Variants in SLC35F5 observed in about 807,000 individuals in gnomAD.
SLC35F5 encodes HCV NS5A-transactivated protein 3.
SLC35F5 carries 54 observed loss-of-function variants against 68.6 expected under a neutral mutation model. The ratio of observed to expected loss-of-function variants is 0.79; its 90% CI spans 0.63 to 0.99. SLC35F5 has a LOEUF of 0.99. SLC35F5 is among the 50% of genes least tolerant of loss of function. The pLI, the probability that SLC35F5 is intolerant of heterozygous loss-of-function variation, is 0.00. For missense variants in SLC35F5, 567 were observed against 626.9 expected (o/e 0.90, Z 1.02); for synonymous variants, 211 against 205.2 (o/e 1.03, Z -0.24).
intron 11 of SLC35F5, among the ~76,000 whole-genome samples, chr2:113,728,437 G>C (rs1325336728): frequency 8.5e-5 from 13 of 152,152 alleles, no homozygotes; most frequent in Admixed American, 8.5e-4. Flanking sequence ...ACAATGCCCA[G>C]CCATAAGAAA....
In SLC35F5 at chr2:113,755,315, T is replaced by C. The variant is rs1473109722; in HGVS notation, c.132-9A>G. On this transcript the variant is annotated splice_polypyrimidine_tract_variant and intron_variant, in intron 2 of 15. Coordinates refer to ENST00000245680, the MANE Select transcript of SLC35F5 (RefSeq NM_025181.5). ...CACACACCATTTGCAGTCTGTTTTTTAGAAAATACAGATCACATTAGAGAT... is the reference window on the plus strand; with the variant it reads ...CACACACCATTTGCAGTCTGTTTTTCAGAAAATACAGATCACATTAGAGAT... 1 of 1,613,700 alleles carries C rather than the reference T, an allele frequency of 6.2e-7. No homozygotes were observed. Among genetic ancestry groups the C allele is most frequent in the East Asian group, 2.2e-5 (1 of 44,862 alleles).
Position 113,748,747 on chromosome 2 carries a change from T to A in SLC35F5, c.417+1678A>T, listed in dbSNP as rs188028592. Among the ~76,000 whole-genome samples, 23 of 152,340 alleles carry A rather than the reference T, an allele frequency of 1.5e-4. No individual in the cohort carries two copies. The East Asian group carries it at 4.2e-3, about 28-fold the overall frequency. On this transcript the variant is annotated intron_variant, in intron 4 of 15. Transcript: ENST00000245680. ...ATATTTTTGGTAAGTTAAATTTGTGTGTGTACATGAGTATACATTTGCAGG... is the reference window on the plus strand; with the variant it reads ...ATATTTTTGGTAAGTTAAATTTGTGAGTGTACATGAGTATACATTTGCAGG...
At chr2:113,734,044 C>T (rs1172143279) in intron 9 of SLC35F5, among the ~76,000 whole-genome samples, 1 of 152,162 alleles carries the variant, frequency 6.6e-6, no homozygotes, top group Non-Finnish European at 1.5e-5. Flanking sequence ...GTATGGAAGA[C>T]AAAACAAACA....
downstream of SLC35F5, chr2:113,704,035 T>G (rs1449938417): frequency 1.3e-5 from 2 of 152,056 alleles, no homozygotes; most frequent in African/African-American, 2.4e-5. Context: ...GGCTCAGGAG[T>G]GAAGCTGCGG....
intron 11 of SLC35F5, among the ~76,000 whole-genome samples, chr2:113,727,086 G>A (rs752038304): frequency 9.2e-5 from 14 of 152,180 alleles, no homozygotes; most frequent in African/African-American, 2.9e-4. Context: ...CCCCCATGCT[G>A]TTCCCATCAT....
At chr2:113,729,280 T>C (rs373335644) in intron 11 of SLC35F5, 121 bp downstream of exon 11, 15 of 564,154 alleles carry the variant, frequency 2.7e-5, no homozygotes, top group South Asian at 2.5e-4. Flanking sequence ...AATCTTTAAA[T>C]GGTTTTAAAG....
Position 113,712,350 on chromosome 2 carries a change from G to A in SLC35F5, c.*2868C>T, listed in dbSNP as rs1033858843. Among the ~76,000 whole-genome samples, 3 of 151,204 alleles carry A rather than the reference G, an allele frequency of 2.0e-5. No homozygotes were observed. The highest frequency in any genetic ancestry group is 4.9e-5 in the African/African-American group (2 of 41,142). ...TTTTTTTTTTTTGAGACGGAGTCTC[G>A]CTGTCGCCCAGGCTGGAGTGCAGGG... On this transcript the variant is annotated 3_prime_UTR_variant, in exon 16 of 16. Transcript: ENST00000245680.
intron 7 of SLC35F5, among the ~76,000 whole-genome samples, chr2:113,740,074 CAGAG>C (rs1676182292): frequency 6.6e-6 from 1 of 152,082 alleles, no homozygotes; most frequent in Admixed American, 6.6e-5. Context: ...TTAGGTGTGG[CAGAG>C]ATAGATGAAA....
At chr2:113,732,206 T>C (rs1687923984) in intron 9 of SLC35F5, among the ~76,000 whole-genome samples, 1 of 152,168 alleles carries the variant, frequency 6.6e-6, no homozygotes, top group Non-Finnish European at 1.5e-5. Context: ...TCTCATGATT[T>C]TAGTGGATAA....
chr2:113,717,894 GA>G, intron 14 of SLC35F5, 44 bp from the exon 15 acceptor site: 1 of 1,407,480 alleles, frequency 7.1e-7, no homozygotes, highest in Non-Finnish European at 9.9e-7. Context: ...CTTTAGAGCT[GA>G]AAAGGAACCT....
At chr2:113,745,086 T>C (rs1454053050) in intron 5 of SLC35F5, among the ~76,000 whole-genome samples, 2 of 151,928 alleles carry the variant, frequency 1.3e-5, no homozygotes, top group Admixed American at 1.3e-4. Flanking sequence ...CATAATCTCT[T>C]TGTTACACTG....
intron 11 of SLC35F5, among the ~76,000 whole-genome samples, chr2:113,728,797 C>T (rs1311473439): frequency 1.3e-5 from 2 of 152,192 alleles, no homozygotes; most frequent in Non-Finnish European, 2.9e-5. Flanking sequence ...CTTCTCCAGT[C>T]CTACAGATAT....
In SLC35F5 at chr2:113,750,535, T is replaced by C; in HGVS notation, c.307A>G (p.Ser103Gly). ...AACATAGATGTTTTTGCAAAGGTGCTGAAGAATGGTTTGTTGTACTGGGTA... is the reference window on the plus strand; with the variant it reads ...AACATAGATGTTTTTGCAAAGGTGCCGAAGAATGGTTTGTTGTACTGGGTA... ...VFTQYNKPFF[S>G]TFAKTSMFVL... Residue 103 changes from serine to glycine, a missense_variant, in exon 4 of 16, where the codon AGC becomes GGC. Coordinates refer to ENST00000245680, the MANE Select transcript of SLC35F5 (RefSeq NM_025181.5). 6.8e-6 allele frequency: 11 copies of C among 1,612,426 alleles called. No homozygotes were observed. Among genetic ancestry groups the C allele is most frequent in the Non-Finnish European group, 9.3e-6 (11 of 1,179,306 alleles).
rs747774950 is a variant in SLC35F5 at position 113,717,857 on chromosome 2, A to G, written c.1497-7T>C. ...TTCGCTGTCTTCTGGAACTCTTAAGAAAAAAAAAAGCAGTAATTAAGGAAA... is the reference window on the plus strand; with the variant it reads ...TTCGCTGTCTTCTGGAACTCTTAAGGAAAAAAAAAGCAGTAATTAAGGAAA... On this transcript the variant is annotated splice_region_variant and splice_polypyrimidine_tract_variant and intron_variant, in intron 14 of 15. Transcript: ENST00000245680. 4.8e-6 allele frequency: 7 copies of G among 1,451,380 alleles called. No individual in the cohort carries two copies. Among genetic ancestry groups the G allele is most frequent in the South Asian group, 1.3e-5 (1 of 79,052 alleles). 89.9% of individuals were successfully genotyped at this position (1,451,380 alleles called of 1,614,324 possible).
rs1439980839 is a variant in SLC35F5 at position 113,713,586 on chromosome 2, C to T, written c.*1632G>A. 1 of 151,954 alleles carries T rather than the reference C, an allele frequency of 6.6e-6. No homozygotes were observed. The highest frequency in any genetic ancestry group is 1.5e-5 in the Non-Finnish European group (1 of 67,960). The allele number at this position is 151,954 out of a possible 1,614,324, so 9.4% of individuals were successfully genotyped here. ...AATTAAAATGTTACTTCATTATGTTCTTTTTAAAAGAAAATTCCTCAGAAG... is the reference window on the plus strand; with the variant it reads ...AATTAAAATGTTACTTCATTATGTTTTTTTTAAAAGAAAATTCCTCAGAAG... On this transcript the variant is annotated 3_prime_UTR_variant, in exon 16 of 16. Transcript: ENST00000245680.
intron 1 of SLC35F5, chr2:113,755,974 G>A: frequency 3.2e-6 from 5 of 1,547,916 alleles, no homozygotes; most frequent in Non-Finnish European, 4.4e-6. Flanking sequence ...GTGATTTGCT[G>A]TGGGTCTTGA....
downstream of SLC35F5, among the ~76,000 whole-genome samples, chr2:113,704,594 G>A (rs537880646): frequency 3.7e-3 from 569 of 152,222 alleles, no homozygotes; most frequent in Non-Finnish European, 6.7e-3. Flanking sequence ...GCGCAGCGCC[G>A]GTGGGCCGGC....
At chr2:113,732,781 C>T (rs1687947404) in intron 9 of SLC35F5, among the ~76,000 whole-genome samples, 2 of 152,158 alleles carry the variant, frequency 1.3e-5, no homozygotes, top group Non-Finnish European at 1.5e-5. Flanking sequence ...CTCATTTAAT[C>T]CTCATAATAA....
intron 7 of SLC35F5, among the ~76,000 whole-genome samples, chr2:113,740,343 T>C: frequency 6.6e-6 from 1 of 152,176 alleles, no homozygotes; most frequent in East Asian, 1.9e-4. Flanking sequence ...GTTACACAGC[T>C]TATTGTCTGT....
Sources: allele counts gnomAD v4.1 joint callset (sites outside exome capture counted in the v4.1 genomes callset), GRCh38; gene constraint gnomAD v4.1.1; transcripts MANE v1.5; gene names NCBI Gene and HGNC (gene_info 2026-07-23, HGNC 2026-07-21).